Variants in BST1 observed in about 807,000 individuals in gnomAD.
The protein encoded by BST1 is ADP-ribosyl cyclase/cyclic ADP-ribose hydrolase 2.
Under a neutral mutation model 40.6 loss-of-function variants are expected in BST1, and 49 were observed. That is an observed-to-expected ratio of 1.21 (90% confidence interval 0.96 to 1.53). BST1 has a LOEUF of 1.53. Ranked by LOEUF, BST1 falls within the 40% of genes most tolerant of loss-of-function variation. BST1 has a pLI of 0.00. For missense variants in BST1, 423 were observed against 395.9 expected, an observed-to-expected ratio of 1.07 and a Z score of -0.58; for synonymous variants, 157 against 159.3, an observed-to-expected ratio of 0.99 and a Z score of 0.11.
chr4:15,711,772 T>A, intron 3 of BST1, 35 bp from the exon 4 acceptor site: 1 of 1,490,180 alleles, frequency 6.7e-7, no homozygotes, highest in Non-Finnish European at 9.4e-7. Flanking sequence ...TAGATAATCT[T>A]TGGAATAAAA....
At chr4:15,772,992 G>C in the BST1 span, among the ~76,000 whole-genome samples, 1 of 152,150 alleles carries the variant, frequency 6.6e-6, no homozygotes, top group Non-Finnish European at 1.5e-5. Flanking sequence ...GAATTATGTT[G>C]TAAAAGTTAT....
At chr4:15,744,831 T>G in the BST1 span, among the ~76,000 whole-genome samples, 2 of 152,226 alleles carry the variant, frequency 1.3e-5, no homozygotes, top group Admixed American at 1.3e-4. Flanking sequence ...GAAACAAGGA[T>G]AATGAATGTT....
At chr4:15,753,786 G>A in the BST1 span, among the ~76,000 whole-genome samples, 1 of 152,198 alleles carries the variant, frequency 6.6e-6, no homozygotes, top group African/African-American at 2.4e-5. Context: ...GTTTAATAGG[G>A]ACTATCTGCA....
the BST1 span, among the ~76,000 whole-genome samples, chr4:15,751,789 G>C: frequency 6.6e-6 from 1 of 151,824 alleles, no homozygotes; most frequent in African/African-American, 2.4e-5. Flanking sequence ...ACTGTGTATA[G>C]TGTATATAAA....
the BST1 span, among the ~76,000 whole-genome samples, chr4:15,773,206 G>C: frequency 5.3e-5 from 8 of 152,364 alleles, no homozygotes; most frequent in Non-Finnish European, 7.3e-5. Context: ...TTTGCAGGCA[G>C]TAGGAACTGT....
At chr4:15,745,419 T>C in the BST1 span, among the ~76,000 whole-genome samples, 1 of 152,228 alleles carries the variant, frequency 6.6e-6, no homozygotes, top group African/African-American at 2.4e-5. Context: ...AGCTGTACTT[T>C]TTTTCTGCTT....
the BST1 span, among the ~76,000 whole-genome samples, chr4:15,767,180 A>T: frequency 6.7e-6 from 1 of 150,208 alleles, no homozygotes; most frequent in African/African-American, 2.5e-5. Flanking sequence ...CCCTGCAGAA[A>T]ATGGATATGC....
At chr4:15,705,373 C>A in intron 1 of BST1, 142 bp from the exon 2 acceptor site, 5 of 960,104 alleles carry the variant, frequency 5.2e-6, no homozygotes, top group Admixed American at 2.5e-5. Flanking sequence ...TAAGCCATGA[C>A]AATTCGTTGT....
chr4:15,743,568 G>A, the BST1 span: 1 of 357,642 alleles, frequency 2.8e-6, no homozygotes, highest in Non-Finnish European at 5.5e-6. Context: ...GATGCTGATG[G>A]CACAAAGGGC....
chr4:15,719,112 G>A (rs1040418567), intron 7 of BST1, 119 bp downstream of exon 7: 23 of 839,058 alleles, frequency 2.7e-5, no homozygotes, highest in Non-Finnish European at 3.2e-5. Context: ...CTTCCGGGTG[G>A]CTTCTCGGTG....
At chr4:15,754,676 C>G in the BST1 span, among the ~76,000 whole-genome samples, 1 of 152,284 alleles carries the variant, frequency 6.6e-6, no homozygotes, top group East Asian at 1.9e-4. Flanking sequence ...TCTTTCCCAG[C>G]GGTCCATTTT....
At chr4:15,726,824 G>A (rs56381553) in intron 8 of BST1, among the ~76,000 whole-genome samples, 13,128 of 151,680 alleles carry the variant, frequency 0.087, 1,199 homozygotes, top group East Asian at 0.52. Context: ...CCTGCTGCAG[G>A]AAGAATAAGG....
intron 6 of BST1, among the ~76,000 whole-genome samples, chr4:15,716,975 C>T (rs1720550555): frequency 6.6e-6 from 1 of 152,076 alleles, no homozygotes; most frequent in Admixed American, 6.5e-5. Flanking sequence ...CAAGGTTTCA[C>T]CATGTTGGCC....
chr4:15,744,488 C>A, the BST1 span, among the ~76,000 whole-genome samples: 2 of 152,174 alleles, frequency 1.3e-5, no homozygotes, highest in Non-Finnish European at 2.9e-5. Flanking sequence ...GGGAAACCGC[C>A]CCCATAATCC....
At chr4:15,720,917 T>C (rs1720774174) in intron 7 of BST1, among the ~76,000 whole-genome samples, 1 of 152,206 alleles carries the variant, frequency 6.6e-6, no homozygotes, top group South Asian at 2.1e-4. Flanking sequence ...CACTTTGCTT[T>C]GTTTTTATGT....
the BST1 span, among the ~76,000 whole-genome samples, chr4:15,747,067 T>C: frequency 5.8e-4 from 89 of 152,196 alleles, no homozygotes; most frequent in Non-Finnish European, 8.1e-4. Flanking sequence ...ATGCTTGCTG[T>C]GGCTTACAGG....
At chr4:15,747,459 C>G in the BST1 span, among the ~76,000 whole-genome samples, 1 of 152,120 alleles carries the variant, frequency 6.6e-6, no homozygotes, top group Non-Finnish European at 1.5e-5. Flanking sequence ...TCAATCCTGG[C>G]CTTCAGAATA....
At chr4:15,747,467 A>G in the BST1 span, among the ~76,000 whole-genome samples, 4 of 152,132 alleles carry the variant, frequency 2.6e-5, no homozygotes, top group Non-Finnish European at 5.9e-5. Context: ...GGCCTTCAGA[A>G]TATAAACCAC....
chr4:15,705,353 A>G lies in BST1; in HGVS notation c.189-162A>G, dbSNP rs1004204281. Among the ~76,000 whole-genome samples, 7 of 152,172 alleles carry G rather than the reference A, an allele frequency of 4.6e-5. 1 individual carries two copies. The highest frequency in any genetic ancestry group is 1.7e-4 in the African/African-American group (7 of 41,516). ...GACAATTCCAGTGTCAGATTTCTGA[A>G]TCTGTCACCTAAGCCATGACAATTC... On this transcript the variant is annotated intron_variant, in intron 1 of 8. Coordinates refer to ENST00000265016, the MANE Select transcript of BST1 (RefSeq NM_004334.3).
Sources: gnomAD v4.1 joint callset for allele counts (sites outside exome capture counted in the v4.1 genomes callset) on GRCh38, gnomAD v4.1.1 for gene constraint, MANE v1.5 for transcripts, NCBI Gene and HGNC (gene_info 2026-07-23, HGNC 2026-07-21) for gene names.